COL13A1: variants seen among roughly 807,000 people sequenced by gnomAD.
The protein encoded by COL13A1 is collagen alpha-1(XIII) chain.
COL13A1 carries 89 observed loss-of-function variants against 130.9 expected under a neutral mutation model. That is an observed-to-expected ratio of 0.68 (90% CI 0.57 to 0.81). COL13A1 has a LOEUF of 0.81. Among genes scored for constraint, COL13A1 ranks in the 30% least tolerant of loss-of-function variants. The pLI is 0.00. For missense variants in COL13A1, 879 were observed against 934.6 expected, an observed-to-expected ratio of 0.94 and a Z score of 0.78; for synonymous variants, 402 against 341.6, an observed-to-expected ratio of 1.18 and a Z score of -1.95.
At chr10:69,889,154 G>A (rs897899656) in intron 9 of COL13A1, among the ~76,000 whole-genome samples, 1 of 152,236 alleles carries the variant, frequency 6.6e-6, no homozygotes, top group Non-Finnish European at 1.5e-5. Context: ...TTGGGGTCTA[G>A]GGAGACTACC....
At chr10:69,883,102 T>C (rs566530483) in intron 7 of COL13A1, among the ~76,000 whole-genome samples, 2 of 152,260 alleles carry the variant, frequency 1.3e-5, no homozygotes, top group South Asian at 4.2e-4. Context: ...CCTCCCCTCT[T>C]GGAGTTTGAT....
intron 17 of COL13A1, among the ~76,000 whole-genome samples, chr10:69,908,271 C>A (rs2062998874): frequency 6.6e-6 from 1 of 152,136 alleles, no homozygotes; most frequent in African/African-American, 2.4e-5. Flanking sequence ...TTTATGGGTG[C>A]CTGGTGAATG....
rs1397625307 is a variant in COL13A1, at chr10:69,869,016, CACACACCTCACCCCCA to C, written c.372+1212_372+1227del. ...CCCCACCCTGCCTTGGGGCCTCCTG[CACACACCTCACCCCCA>C]GGGGCAGGATGCTGCAGCCTCCTGC... On this transcript the variant is annotated intron_variant, in intron 3 of 40. Coordinates refer to ENST00000645393, the MANE Select transcript of COL13A1 (RefSeq NM_001368882.1). Among the ~76,000 whole-genome samples, 262 of 152,224 alleles carry C rather than the reference CACACACCTCACCCCCA, an allele frequency of 1.7e-3. 3 individuals are homozygous for C. The highest frequency in any genetic ancestry group is 6.1e-3 in the African/African-American group (253 of 41,538).
At chr10:69,851,280 C>A (rs922540805) in intron 2 of COL13A1, among the ~76,000 whole-genome samples, 2 of 152,200 alleles carry the variant, frequency 1.3e-5, no homozygotes, top group African/African-American at 4.8e-5. Flanking sequence ...TCAGGGAAAT[C>A]AGGAAGGGAG....
At chr10:69,950,229 T>C (rs1408396106) in intron 38 of COL13A1, among the ~76,000 whole-genome samples, 2 of 152,272 alleles carry the variant, frequency 1.3e-5, no homozygotes, top group East Asian at 3.9e-4. Flanking sequence ...CTTTGCCCCT[T>C]GACTTTATTT....
rs757298094 is a variant in COL13A1 at position 69,875,125 on chromosome 10, CA to C, written c.400-2del. On this transcript the variant is annotated splice_acceptor_variant, in intron 4 of 40. Transcript: ENST00000645393. LOFTEE classifies it high-confidence loss of function. ...TGACTGTTTCTGCCTCCTTCATCATCAGGGGGACAAAGGTGCCATTGGGATG... is the reference window on the plus strand; with the variant it reads ...TGACTGTTTCTGCCTCCTTCATCATCGGGGGACAAAGGTGCCATTGGGATG... 3 of 1,614,008 alleles carry C rather than the reference CA, an allele frequency of 1.9e-6. No homozygotes were observed. Among genetic ancestry groups the C allele is most frequent in the Non-Finnish European group, 2.5e-6 (3 of 1,179,898 alleles).
At chr10:69,854,955 C>T (rs1349834737) in intron 2 of COL13A1, among the ~76,000 whole-genome samples, 9 of 152,250 alleles carry the variant, frequency 5.9e-5, no homozygotes, top group South Asian at 2.1e-4. Flanking sequence ...GGAGGCTCCC[C>T]GTTCTCCAGG....
intron 6 of COL13A1, among the ~76,000 whole-genome samples, chr10:69,878,289 G>A (rs774709073): frequency 2.6e-5 from 4 of 152,184 alleles, no homozygotes; most frequent in Non-Finnish European, 5.9e-5. Flanking sequence ...CCCAGCTGAG[G>A]AGGTCTTCCC....
At chr10:69,903,961 A>G (rs1022335658) in intron 15 of COL13A1, among the ~76,000 whole-genome samples, 5 of 152,180 alleles carry the variant, frequency 3.3e-5, no homozygotes, top group Non-Finnish European at 5.9e-5. Flanking sequence ...GGCCACAGCT[A>G]TGGCCGAACA....
intron 7 of COL13A1, among the ~76,000 whole-genome samples, chr10:69,882,840 G>T (rs1352605025): frequency 1.3e-5 from 2 of 152,214 alleles, no homozygotes; most frequent in African/African-American, 4.8e-5. Flanking sequence ...AGTGGCTCGA[G>T]CTATCCCTGC....
chr10:69,829,109 C>A, intron 2 of COL13A1: 2 of 394,394 alleles, frequency 5.1e-6, no homozygotes, highest in Non-Finnish European at 6.9e-6. Flanking sequence ...CCTCTCCCAG[C>A]ATCTAAGCCA....
intron 7 of COL13A1, among the ~76,000 whole-genome samples, chr10:69,883,361 G>C (rs2060321304): frequency 6.6e-6 from 1 of 152,144 alleles, no homozygotes; most frequent in African/African-American, 2.4e-5. Context: ...TTCTCTTCTG[G>C]GGCGAGGAGA....
At chr10:69,899,838 G>A (rs1420378616) in intron 14 of COL13A1, among the ~76,000 whole-genome samples, 1 of 152,170 alleles carries the variant, frequency 6.6e-6, no homozygotes, top group African/African-American at 2.4e-5. Flanking sequence ...AGCAGTGGCA[G>A]GGCTCTGAGC....
chr10:69,894,988 A>G (rs1020484606), intron 12 of COL13A1, among the ~76,000 whole-genome samples: 5 of 152,092 alleles, frequency 3.3e-5, no homozygotes, highest in African/African-American at 1.2e-4. Context: ...CTGTCACTCC[A>G]TGGTGTTCCC....
chr10:69,922,873 G>T, intron 23 of COL13A1, 79 bp downstream of exon 23: 1 of 952,926 alleles, frequency 1.0e-6, no homozygotes, highest in East Asian at 3.0e-5. Flanking sequence ...GGGACTCTAC[G>T]TCCCGGACAT....
At chr10:69,878,136 C>T in intron 6 of COL13A1, 71 bp downstream of exon 6, 1 of 698,184 alleles carries the variant, frequency 1.4e-6, no homozygotes. Context: ...ATGGGAGGCT[C>T]TCAGCCCTCC....
At chr10:69,854,724 G>A (rs1196508424) in intron 2 of COL13A1, among the ~76,000 whole-genome samples, 6 of 152,124 alleles carry the variant, frequency 3.9e-5, no homozygotes, top group Admixed American at 3.9e-4. Flanking sequence ...TTGATTGGTT[G>A]TGGTTGCCAA....
intron 2 of COL13A1, among the ~76,000 whole-genome samples, chr10:69,829,621 C>T (rs16926941): frequency 0.052 from 7,866 of 152,302 alleles, 336 homozygotes; most frequent in East Asian, 0.18. Flanking sequence ...AGGCAACTGG[C>T]CTGCTCCACA....
chr10:69,838,726 T>C (rs1460273978), intron 2 of COL13A1, among the ~76,000 whole-genome samples: 1 of 152,268 alleles, frequency 6.6e-6, no homozygotes, highest in Non-Finnish European at 1.5e-5. Context: ...AAGCCCCTGC[T>C]GTATACAGAG....
Sources: gnomAD v4.1 joint callset for allele counts (sites outside exome capture counted in the v4.1 genomes callset) on GRCh38, gnomAD v4.1.1 for gene constraint, MANE v1.5 for transcripts, NCBI Gene and HGNC (gene_info 2026-07-23, HGNC 2026-07-21) for gene names.